The following NEIL3 variants were observed in gnomAD, a reference collection of about 807,000 sequenced individuals.
The protein encoded by NEIL3 is nei like DNA glycosylase 3.
NEIL3 carries 48 observed loss-of-function variants against 57.5 expected under a neutral mutation model. The observed-to-expected ratio is 0.83, with a 90% CI of 0.66 to 1.06. NEIL3 has a LOEUF of 1.06. Ranked by LOEUF, NEIL3 falls within the 50% of genes least tolerant of loss-of-function variation. The pLI is 0.00. For synonymous variants in NEIL3, 261 were observed against 253.2 expected (o/e 1.03, Z -0.29); for missense variants, 717 against 739.1 (o/e 0.97, Z 0.35).
chr4:177,351,416 A>G lies in NEIL3; in HGVS notation c.906A>G (p.Thr302=), dbSNP rs770439097. ...CTAGAAATACTATAATCAGTTGGAC[A>G]TCTAGCAGGGTGGATCATGTTATGG... is the stretch of plus-strand genomic sequence containing the variant. The part of the protein sequence containing the change: ...LPTRNTIISW[T]SSRVDHVMDS... The change falls in exon 7 of 10, where the codon ACA becomes ACG. Residue 302 remains threonine, a synonymous_variant. Transcript: ENST00000264596. 1.9e-6 allele frequency: 3 copies of G among 1,613,620 alleles called. No homozygotes were observed. Among genetic ancestry groups the G allele is most frequent in the Non-Finnish European group, 8.5e-7 (1 of 1,179,810 alleles).
At chr4:177,320,873 C>T (rs900780021) in intron 1 of NEIL3, among the ~76,000 whole-genome samples, 1 of 151,886 alleles carries the variant, frequency 6.6e-6, no homozygotes, top group Non-Finnish European at 1.5e-5. Flanking sequence ...AGCCAGTCGC[C>T]TGAACTTCAG....
chr4:177,332,886 G>C (rs1290595427), intron 2 of NEIL3, among the ~76,000 whole-genome samples: 1 of 152,052 alleles, frequency 6.6e-6, no homozygotes, highest in Non-Finnish European at 1.5e-5. Context: ...TAGCTTACCT[G>C]GTTGCGTTGC....
rs758245844 is a variant in NEIL3, at chr4:177,310,068, G to T, written c.115G>T (p.Ala39Ser). ...GSALRSLQGR[A>S]LRLAASTVVV... ...CGCTCTGCGGAGTCTGCAGGGCCGC[G>T]CCTTGCGGCTCGCAGCCTCCACGGT... The change falls in exon 1 of 10, where the codon GCC (alanine) becomes TCC (serine). Residue 39 changes from alanine (A) to serine (S), a missense_variant. Ala to Ser is a moderately conservative substitution (Grantham distance 99). Coordinates refer to ENST00000264596, the MANE Select transcript of NEIL3 (RefSeq NM_018248.3). The T allele has an allele frequency of 1.3e-6, 2 of 1,599,412 alleles. No homozygotes were observed. Among genetic ancestry groups the T allele is most frequent in the Admixed American group, 3.4e-5 (2 of 58,034 alleles).
At chr4:177,322,031 T>G (rs1221839205) in intron 1 of NEIL3, among the ~76,000 whole-genome samples, 1 of 152,234 alleles carries the variant, frequency 6.6e-6, no homozygotes, top group Non-Finnish European at 1.5e-5. Context: ...TTTGTTTTCA[T>G]ATTTTATCAT....
chr4:177,316,276 C>T lies in NEIL3; in HGVS notation c.156+6167C>T, dbSNP rs1012633960. Among the ~76,000 whole-genome samples, 5 of 152,098 alleles carry T rather than the reference C, an allele frequency of 3.3e-5. No individual in the cohort carries two copies. In the East Asian group the frequency reaches 9.6e-4, roughly 29 times the overall value. On this transcript the variant is annotated intron_variant, in intron 1 of 9. Coordinates refer to ENST00000264596, the MANE Select transcript of NEIL3 (RefSeq NM_018248.3). ...ATTGGATTAGATCTTTTTAGAGCAA[C>T]AATTTAAATGCTAAGTAAACTTGTC...
At chr4:177,319,750 A>C (rs564276569) in intron 1 of NEIL3, among the ~76,000 whole-genome samples, 1 of 152,304 alleles carries the variant, frequency 6.6e-6, no homozygotes, top group African/African-American at 2.4e-5. Flanking sequence ...CCGAAGAAGC[A>C]GGGAACGCTA....
rs1027073522 is a variant in NEIL3, at chr4:177,309,889, T to C, written c.-65T>C. On this transcript the variant is annotated 5_prime_UTR_variant, in exon 1 of 10. Coordinates refer to ENST00000264596, the MANE Select transcript of NEIL3 (RefSeq NM_018248.3). ...GCGTGCGGTCAGTGCCCGCGCAGCG[T>C]TGAGTTGCACAGCGGTATTCTCACC... 1.1e-5 allele frequency: 17 copies of C among 1,547,354 alleles called. No individual in the cohort carries two copies. The highest frequency in any genetic ancestry group is 1.1e-4 in the South Asian group (9 of 82,446).
chr4:177,323,284 C>T (rs1411389051), intron 2 of NEIL3, among the ~76,000 whole-genome samples: 1 of 152,132 alleles, frequency 6.6e-6, no homozygotes, highest in African/African-American at 2.4e-5. Context: ...TAAGCTTTTG[C>T]CAACTGTAAA....
chr4:177,329,998 A>G (rs1179246352), intron 2 of NEIL3, among the ~76,000 whole-genome samples: 1 of 151,218 alleles, frequency 6.6e-6, no homozygotes, highest in African/African-American at 2.4e-5. Context: ...TGCAGCCTCT[A>G]CCTCCCGGGT....
At chr4:177,323,760 G>A (rs1273183340) in intron 2 of NEIL3, among the ~76,000 whole-genome samples, 2 of 152,192 alleles carry the variant, frequency 1.3e-5, no homozygotes, top group Non-Finnish European at 2.9e-5. Flanking sequence ...ATTCTCTGGT[G>A]TTAGGTACAG....
chr4:177,315,301 G>A (rs1312765851), intron 1 of NEIL3, among the ~76,000 whole-genome samples: 2 of 152,114 alleles, frequency 1.3e-5, no homozygotes, highest in East Asian at 3.9e-4. Context: ...AATAAATCAT[G>A]TGCTGTCTCT....
intron 1 of NEIL3, among the ~76,000 whole-genome samples, chr4:177,321,367 T>C (rs1242423598): frequency 6.6e-6 from 1 of 152,192 alleles, no homozygotes; most frequent in Non-Finnish European, 1.5e-5. Context: ...CCCTATTTTA[T>C]CTTATATAAT....
In NEIL3 at chr4:177,341,604, T is replaced by C. The variant is rs1195848874; in HGVS notation, c.831T>C (p.Pro277=). 6.2e-7 allele frequency: 1 copy of C among 1,613,486 alleles called. No individual in the cohort carries two copies. Among genetic ancestry groups the C allele is most frequent in the African/African-American group, 1.3e-5 (1 of 74,856 alleles). The part of the protein sequence containing the change: ...GDNNRMTYFC[P]HCQKENPQHV... ...ATAACAGAATGACATATTTCTGTCCTCACTGTCAAAAAGAAAATCCTCAAC... is the reference window on the plus strand; with the variant it reads ...ATAACAGAATGACATATTTCTGTCCCCACTGTCAAAAAGAAAATCCTCAAC... The change falls in exon 6 of 10, where the codon CCT becomes CCC. Residue 277 remains proline, a synonymous_variant. Transcript: ENST00000264596.
intron 1 of NEIL3, among the ~76,000 whole-genome samples, chr4:177,320,466 C>CTTTTTT (rs34353849): frequency 2.6e-5 from 2 of 77,420 alleles, no homozygotes; most frequent in African/African-American, 5.4e-5. Flanking sequence ...TGACTGCTGT[C>CTTTTTT]TTTTTTTTTT....
chr4:177,315,000 T>C lies in NEIL3; in HGVS notation c.156+4891T>C, dbSNP rs538526861. 8.2e-4 allele frequency among the ~76,000 whole-genome samples: 113 copies of C among 137,274 alleles called. 6 individuals carry two copies. In the South Asian group the frequency reaches 0.025, roughly 30 times the overall value. 90.1% of individuals were successfully genotyped at this position (137,274 alleles called of 152,430 possible). On this transcript the variant is annotated intron_variant, in intron 1 of 9. Transcript: ENST00000264596. ...AGGAGAATGGCGTGAACCCAGGAGG[T>C]GGAGCTTGCAGTGAGCCGAGATCGC...
Position 177,360,669 on chromosome 4 carries a change from T to C in NEIL3, c.1627T>C (p.Phe543Leu), listed in dbSNP as rs577667013. The C allele has an allele frequency of 3.1e-6, 5 of 1,606,248 alleles. No individual in the cohort carries two copies. The South Asian group carries it at 4.5e-5, about 14-fold the overall frequency. ...TCTACCTAGAGAAGCACAATGTGGA[T>C]TTTTTGAAGTATGTGTAAGATTTAT... is the stretch of plus-strand genomic sequence containing the variant. ...CPLPREAQCGFFEWADLSFPF... is the reference protein window; with the variant it reads ...CPLPREAQCGLFEWADLSFPF... The change falls in exon 9 of 10, where the codon TTT (phenylalanine) becomes CTT (leucine). Residue 543 changes from phenylalanine to leucine, a missense_variant. Transcript: ENST00000264596.
intron 1 of NEIL3, among the ~76,000 whole-genome samples, chr4:177,319,836 G>T (rs760357163): frequency 6.6e-6 from 1 of 152,126 alleles, no homozygotes; most frequent in African/African-American, 2.4e-5. Context: ...TCTGCTGGGA[G>T]CTCTAAGAAA....
intron 5 of NEIL3, 95 bp from the exon 6 acceptor site, chr4:177,341,381 A>C (rs997865263): frequency 2.1e-6 from 2 of 972,350 alleles, no homozygotes; most frequent in African/African-American, 3.3e-5. Flanking sequence ...TTTTTAGCAG[A>C]TGATTTTCAG....
intron 2 of NEIL3, among the ~76,000 whole-genome samples, chr4:177,324,876 C>G (rs1734750276): frequency 6.6e-6 from 1 of 152,108 alleles, no homozygotes; most frequent in Non-Finnish European, 1.5e-5. Flanking sequence ...GTTCACCCAG[C>G]TGCACTCACA....
Sources: gnomAD v4.1 joint callset for allele counts (sites outside exome capture counted in the v4.1 genomes callset) on GRCh38, gnomAD v4.1.1 for gene constraint, MANE v1.5 for transcripts, NCBI Gene and HGNC (gene_info 2026-07-23, HGNC 2026-07-21) for gene names.